PIK3CG: variants seen among roughly 807,000 people sequenced by gnomAD.
The protein encoded by PIK3CG is phosphatidylinositol 4,5-bisphosphate 3-kinase catalytic subunit gamma isoform.
Under a neutral mutation model 102.3 loss-of-function variants are expected in PIK3CG, and 55 were observed. That is an observed-to-expected ratio of 0.54 (90% CI 0.43 to 0.67). The LOEUF is 0.67. Ranked by LOEUF, PIK3CG falls within the 30% of genes least tolerant of loss-of-function variation. The probability of loss-of-function intolerance (pLI) is 0.00; values close to 1 mark genes in which losing one functional copy is unlikely to be tolerated. For synonymous variants in PIK3CG, 552 were observed against 540.0 expected (o/e 1.02, Z -0.31); for missense variants, 1,258 against 1,391.8 (o/e 0.90, Z 1.53).
rs573025543 is a variant in PIK3CG, at chr7:106,880,444, T to A, written c.2538+779T>A. 4.8e-3 allele frequency among the ~76,000 whole-genome samples: 732 copies of A among 152,232 alleles called. 6 individuals carry two copies. The highest frequency in any genetic ancestry group is 0.017 in the Middle Eastern group (5 of 294). On this transcript the variant is annotated intron_variant, in intron 6 of 10. Transcript: ENST00000496166. This position sits in a 1 kb window ranked among gnomAD's most constrained non-coding sequence, Gnocchi z 4.2. ...AAACAGGAATACCTTTGCTTTGCCT[T>A]TGCTTTGCCTTTGCTTTGCTTTCAA... is the stretch of plus-strand genomic sequence containing the variant.
At chr7:106,904,209 T>C (rs1791632385) in intron 10 of PIK3CG, among the ~76,000 whole-genome samples, 1 of 152,222 alleles carries the variant, frequency 6.6e-6, no homozygotes, top group Non-Finnish European at 1.5e-5. Context: ...GTTAATGCAG[T>C]ACCTTATGGT....
At position 106,869,664 on chromosome 7, in the gene PIK3CG, A is replaced by G. The variant is rs1308302006; in HGVS notation, c.1995+108A>G. On this transcript the variant is annotated intron_variant, in intron 2 of 10. Coordinates refer to ENST00000496166, the MANE Select transcript of PIK3CG (RefSeq NM_001282426.2). This position sits in a 1 kb window ranked among gnomAD's most constrained non-coding sequence, Gnocchi z 5.3. ...TCAAATGCCCTTTGTTCAGAGCTTC[A>G]TCATCGGCAAAAGTAGATATGATGA... is the stretch of plus-strand genomic sequence containing the variant. 1 of 897,580 alleles carries G rather than the reference A, an allele frequency of 1.1e-6. No individual in the cohort carries two copies. Among genetic ancestry groups the G allele is most frequent in the Non-Finnish European group, 1.7e-6 (1 of 597,632 alleles). The allele number at this position is 897,580 out of a possible 1,614,324, so 55.6% of individuals were successfully genotyped here.
rs891382230 is a variant in PIK3CG at position 106,869,805 on chromosome 7, G to A, written c.1995+249G>A. On this transcript the variant is annotated intron_variant, in intron 2 of 10. Coordinates refer to ENST00000496166, the MANE Select transcript of PIK3CG (RefSeq NM_001282426.2). This position sits in a 1 kb window ranked among gnomAD's most constrained non-coding sequence, Gnocchi z 5.3. Reference sequence around the variant, plus strand: ...ACGTTTTTAGGAGAATTGGCCCTGTGGGAATACTTTGTTCTCATTTATTAT... The same window carrying A: ...ACGTTTTTAGGAGAATTGGCCCTGTAGGAATACTTTGTTCTCATTTATTAT... Among the ~76,000 whole-genome samples the A allele has an allele frequency of 6.0e-4, 92 of 152,180 alleles. No homozygotes were observed. Among genetic ancestry groups the A allele is most frequent in the African/African-American group, 2.2e-3 (92 of 41,520 alleles).
rs1791003646 is a variant in PIK3CG at position 106,883,553 on chromosome 7, A to G, written c.2760+390A>G. Among the ~76,000 whole-genome samples, 1 of 152,206 alleles carries G rather than the reference A, an allele frequency of 6.6e-6. No individual in the cohort carries two copies. Among genetic ancestry groups the G allele is most frequent in the South Asian group, 2.1e-4 (1 of 4,836 alleles). On this transcript the variant is annotated intron_variant, in intron 8 of 10. Transcript: ENST00000496166. The surrounding 1 kb of genome is among the most constrained non-coding windows in gnomAD (Gnocchi z 5.8). ...AACATACACAACAAAGTAATTTATA[A>G]TTTACTGCTGAACTCTAATCTAAAT...
Position 106,906,981 on chromosome 7 carries a change from T to A in PIK3CG, c.*1594T>A, listed in dbSNP as rs866119147. The A allele has an allele frequency of 1.4e-5, 3 of 217,250 alleles. No individual in the cohort carries two copies. The highest frequency in any genetic ancestry group is 6.8e-5 in the African/African-American group (3 of 44,100). The allele number at this position is 217,250 out of a possible 1,614,324, so 13.5% of individuals were successfully genotyped here. A position where few individuals can be genotyped will look rare whatever the true frequency, so the allele number is the denominator to read the frequency against. Reference sequence around the variant, plus strand: ...TCTCTTAAAAAAAAAATTAGCTGGGTATAGTGGTATGTGCCTGTAGTCCCA... The same window carrying A: ...TCTCTTAAAAAAAAAATTAGCTGGGAATAGTGGTATGTGCCTGTAGTCCCA... On this transcript the variant is annotated 3_prime_UTR_variant, in exon 11 of 11. Coordinates refer to ENST00000496166, the MANE Select transcript of PIK3CG (RefSeq NM_001282426.2).
intron 10 of PIK3CG, among the ~76,000 whole-genome samples, chr7:106,904,349 C>G (rs1480075157): frequency 6.6e-6 from 1 of 152,002 alleles, no homozygotes; most frequent in Non-Finnish European, 1.5e-5. Flanking sequence ...AATATACTAT[C>G]TTTGTCAAGT....
chr7:106,882,229 T>C, intron 7 of PIK3CG, 22 bp downstream of exon 7: 5 of 1,155,822 alleles, frequency 4.3e-6, no homozygotes, highest in Non-Finnish European at 5.0e-6. Flanking sequence ...CCTCAGGAGA[T>C]GAATAGACCT....
In PIK3CG at chr7:106,867,987, G is replaced by A. The variant is rs747872159; in HGVS notation, c.426G>A (p.Pro142=). 1.9e-6 allele frequency: 3 copies of A among 1,611,898 alleles called. No homozygotes were observed. Among genetic ancestry groups the A allele is most frequent in the East Asian group, 2.2e-5 (1 of 44,834 alleles). Residue 142 remains proline (P), a synonymous_variant, in exon 2 of 11, where the codon CCG becomes CCA. Coordinates refer to ENST00000496166, the MANE Select transcript of PIK3CG (RefSeq NM_001282426.2). The surrounding 1 kb of genome is among the most constrained non-coding windows in gnomAD (Gnocchi z 5.1). ...PGQIHLVQRH[P]PSEESQAFQR... ...AGATCCACCTGGTGCAGCGGCACCC[G>A]CCCTCCGAGGAGTCCCAAGCCTTCC...
intron 10 of PIK3CG, among the ~76,000 whole-genome samples, chr7:106,900,577 G>A (rs1791521391): frequency 6.6e-6 from 1 of 152,206 alleles, no homozygotes; most frequent in Non-Finnish European, 1.5e-5. Flanking sequence ...GTATTGATAT[G>A]TATGGATTTG....
chr7:106,886,355 C>T (rs1791092915), intron 10 of PIK3CG, 63 bp downstream of exon 10: 1 of 1,551,476 alleles, frequency 6.4e-7, no homozygotes, highest in Non-Finnish European at 8.8e-7. Context: ...CTGCAGCACT[C>T]CGCAGCCTTC....
Position 106,869,505 on chromosome 7 carries a change from G to A in PIK3CG, c.1944G>A (p.Leu648=). 1 of 1,614,058 alleles carries A rather than the reference G, an allele frequency of 6.2e-7. No homozygotes were observed. The highest frequency in any genetic ancestry group is 8.5e-7 in the Non-Finnish European group (1 of 1,179,938). The change falls in exon 2 of 11, where the codon CTG becomes CTA. Residue 648 remains leucine (L), a synonymous_variant. Coordinates refer to ENST00000496166, the MANE Select transcript of PIK3CG (RefSeq NM_001282426.2). This position sits in a 1 kb window ranked among gnomAD's most constrained non-coding sequence, Gnocchi z 5.3. The part of the protein sequence containing the change: ...ENVRAIAVQK[L]ESLEDDDVLH... ...TAAGAGCCATTGCAGTTCAGAAACT[G>A]GAGAGCTTGGAGGACGATGATGTTC...
In PIK3CG at chr7:106,903,283, C is replaced by A. The variant is rs1791605915; in HGVS notation, c.3031-1826C>A. 2.0e-5 allele frequency among the ~76,000 whole-genome samples: 3 copies of A among 152,056 alleles called. 1 individual carries two copies. Among genetic ancestry groups the A allele is most frequent in the South Asian group, 2.1e-4 (1 of 4,824 alleles). On this transcript the variant is annotated intron_variant, in intron 10 of 10. Coordinates refer to ENST00000496166, the MANE Select transcript of PIK3CG (RefSeq NM_001282426.2). The surrounding 1 kb of genome is among the most constrained non-coding windows in gnomAD (Gnocchi z 4.3). ...ACTTTTTCAAAATGTTCTCTCAGGCCCTAATTATTTCAGATGAACTTTAAA... is the reference window on the plus strand; with the variant it reads ...ACTTTTTCAAAATGTTCTCTCAGGCACTAATTATTTCAGATGAACTTTAAA...
intron 10 of PIK3CG, among the ~76,000 whole-genome samples, chr7:106,889,535 T>C (rs1297046652): frequency 1.3e-5 from 2 of 152,194 alleles, no homozygotes; most frequent in African/African-American, 4.8e-5. Flanking sequence ...GTTGTATACA[T>C]TTGCATTTTG....
chr7:106,883,106 A>G lies in PIK3CG; in HGVS notation c.2703A>G (p.Ala901=). The change falls in exon 8 of 11, where the codon GCA becomes GCG. Residue 901 remains alanine (A), a synonymous_variant. Transcript: ENST00000496166. The surrounding 1 kb of genome is among the most constrained non-coding windows in gnomAD (Gnocchi z 5.8). ...AAAGCACAGTGGGCAACACGGGAGC[A>G]TTTAAAGATGAAGTCCTGAATCACT... The part of the protein sequence containing the change: ...IQQSTVGNTG[A]FKDEVLNHWL... The G allele has an allele frequency of 1.2e-6, 2 of 1,614,124 alleles. No homozygotes were observed. Among genetic ancestry groups the G allele is most frequent in the Middle Eastern group, 1.6e-4 (1 of 6,062 alleles).
chr7:106,886,980 G>C (rs2116566190), intron 10 of PIK3CG, among the ~76,000 whole-genome samples: 1 of 151,950 alleles, frequency 6.6e-6, no homozygotes, highest in South Asian at 2.1e-4. Context: ...ACACTAGATA[G>C]CTGATGATCT....
In PIK3CG at chr7:106,906,003, G is replaced by C. The variant is rs1791675162; in HGVS notation, c.*616G>C. On this transcript the variant is annotated 3_prime_UTR_variant, in exon 11 of 11. Transcript: ENST00000496166. ...GGAGAAATCTAAACCGTTGTGCCTT[G>C]ACCTTCCTCTGCTGGTCTTGTTCCA... 1 of 227,126 alleles carries C rather than the reference G, an allele frequency of 4.4e-6. No homozygotes were observed. Among genetic ancestry groups the C allele is most frequent in the Non-Finnish European group, 8.7e-6 (1 of 114,708 alleles). 14.1% of individuals were successfully genotyped at this position (227,126 alleles called of 1,614,324 possible).
chr7:106,908,159 A>G lies in PIK3CG; in HGVS notation c.*2772A>G, dbSNP rs893028162. ...ACATAATTTGCAGAGCCCAGTGAACAGTGAAAATGCAGTCCCATCATTCAA... is the reference window on the plus strand; with the variant it reads ...ACATAATTTGCAGAGCCCAGTGAACGGTGAAAATGCAGTCCCATCATTCAA... On this transcript the variant is annotated 3_prime_UTR_variant, in exon 11 of 11. Transcript: ENST00000496166. This position sits in a 1 kb window ranked among gnomAD's most constrained non-coding sequence, Gnocchi z 4.1. Among the ~76,000 whole-genome samples the G allele has an allele frequency of 6.6e-6, 1 of 152,160 alleles. No homozygotes were observed. Among genetic ancestry groups the G allele is most frequent in the Non-Finnish European group, 1.5e-5 (1 of 68,024 alleles).
At position 106,884,871 on chromosome 7, in the gene PIK3CG, G is replaced by A. The variant is rs1181353823; in HGVS notation, c.2872+605G>A. 6.6e-6 allele frequency among the ~76,000 whole-genome samples: 1 copy of A among 152,126 alleles called. No individual in the cohort carries two copies. The highest frequency in any genetic ancestry group is 1.5e-5 in the Non-Finnish European group (1 of 68,024). On this transcript the variant is annotated intron_variant, in intron 9 of 10. Transcript: ENST00000496166. The surrounding 1 kb of genome is among the most constrained non-coding windows in gnomAD (Gnocchi z 4.2). ...AATCTGTATTTACAGCCACTGCCCAGTGCTAGCATCACCACCTCAGCTCCA... is the reference window on the plus strand; with the variant it reads ...AATCTGTATTTACAGCCACTGCCCAATGCTAGCATCACCACCTCAGCTCCA...
At chr7:106,898,813 T>C (rs925606970) in intron 10 of PIK3CG, among the ~76,000 whole-genome samples, 1 of 152,212 alleles carries the variant, frequency 6.6e-6, no homozygotes, top group Non-Finnish European at 1.5e-5. Context: ...ATATGATGCC[T>C]CCAGATTTGT....
Sources: allele counts gnomAD v4.1 joint callset (sites outside exome capture counted in the v4.1 genomes callset), GRCh38; gene constraint gnomAD v4.1.1; non-coding constraint Gnocchi (gnomAD v3.1); transcripts MANE v1.5; gene names NCBI Gene and HGNC (gene_info 2026-07-23, HGNC 2026-07-21).